NRXN2: variants seen among roughly 807,000 people sequenced by gnomAD.
NRXN2 encodes the protein neurexin-2-beta.
In NRXN2, 29 loss-of-function variants were observed where a neutral mutation model predicts 128.8. The ratio of observed to expected loss-of-function variants is 0.23; its 90% confidence interval spans 0.17 to 0.31. The LOEUF is 0.31. Ranked by LOEUF, NRXN2 falls within the 10% of genes least tolerant of loss-of-function variation. The pLI is 1.00. For synonymous variants in NRXN2, 1,098 were observed against 1,075.2 expected (o/e 1.02, Z -0.41); for missense variants, 1,881 against 2,452.6 (o/e 0.77, Z 4.92).
intron 2 of NRXN2, among the ~76,000 whole-genome samples, chr11:64,711,204 C>T (rs937710735): frequency 6.6e-6 from 1 of 152,234 alleles, no homozygotes; most frequent in African/African-American, 2.4e-5. Context: ...AGTGCCGGGC[C>T]ACATTCATGT....
chr11:64,688,862 C>A, intron 5 of NRXN2: 2 of 957,864 alleles, frequency 2.1e-6, no homozygotes, highest in Non-Finnish European at 2.5e-6. Flanking sequence ...GTCTCCAGCG[C>A]CCCCCTCCGC....
At chr11:64,721,856 C>T (rs920791664) in intron 1 of NRXN2, among the ~76,000 whole-genome samples, 3 of 152,058 alleles carry the variant, frequency 2.0e-5, no homozygotes, top group Admixed American at 2.0e-4. Context: ...GGACCCAAGA[C>T]CCACCCCCTA....
intron 2 of NRXN2, among the ~76,000 whole-genome samples, chr11:64,709,945 T>C (rs1376006671): frequency 4.0e-5 from 6 of 150,426 alleles, no homozygotes; most frequent in Admixed American, 2.0e-4. Context: ...TCTCACTTTG[T>C]CACCCAGGCT....
rs576667492 is a variant in NRXN2 at position 64,703,601 on chromosome 11, T to C, written c.731-5809A>G. On this transcript the variant is annotated intron_variant, in intron 2 of 22. Coordinates refer to ENST00000265459, the MANE Select transcript of NRXN2 (RefSeq NM_015080.4). The stretch of plus-strand genomic sequence containing the variant: ...ACCATAAAACACAACCAACTTTGTC[T>C]CTTCATCATGTCCTGACCCACTCAA... 3.3e-5 allele frequency among the ~76,000 whole-genome samples: 5 copies of C among 152,320 alleles called. No homozygotes were observed. The South Asian group carries it at 1.0e-3, about 32-fold the overall frequency.
chr11:64,644,434 C>T (rs970004602), intron 17 of NRXN2, among the ~76,000 whole-genome samples: 5 of 152,134 alleles, frequency 3.3e-5, no homozygotes, highest in African/African-American at 1.2e-4. Flanking sequence ...CTAGAGGACA[C>T]CTGCCCACTG....
intron 9 of NRXN2, among the ~76,000 whole-genome samples, chr11:64,664,495 A>T (rs1049231599): frequency 1.3e-5 from 2 of 151,284 alleles, no homozygotes; most frequent in African/African-American, 2.4e-5. Context: ...AAAAAAAAAA[A>T]GGTTACTATG....
chr11:64,678,499 G>A (rs1192436842), intron 6 of NRXN2, among the ~76,000 whole-genome samples: 5 of 151,952 alleles, frequency 3.3e-5, no homozygotes, highest in Non-Finnish European at 7.4e-5. Flanking sequence ...CCCACAGCCA[G>A]CACCAGAAAT....
rs1311554779 is a variant in NRXN2, at chr11:64,631,605, T to C, written c.3586-1032A>G. Among the ~76,000 whole-genome samples, 2 of 152,132 alleles carry C rather than the reference T, an allele frequency of 1.3e-5. No homozygotes were observed. The highest frequency in any genetic ancestry group is 1.9e-4 in the East Asian group (1 of 5,192). On this transcript the variant is annotated intron_variant, in intron 18 of 22. Transcript: ENST00000265459. The surrounding 1 kb of genome is among the most constrained non-coding windows in gnomAD (Gnocchi z 4.8). ...TCAAGAAAGAGACTGAGGCTCAGCA[T>C]AGTTAAATAACATCTCAAAATCTTG...
At chr11:64,647,322 G>T (rs2135439894) in intron 17 of NRXN2, among the ~76,000 whole-genome samples, 1 of 151,962 alleles carries the variant, frequency 6.6e-6, no homozygotes, top group South Asian at 2.1e-4. Context: ...CAGGGAAGAT[G>T]ATTCAAGCAA....
intron 9 of NRXN2, chr11:64,661,359 C>A: frequency 1.4e-6 from 2 of 1,441,250 alleles, no homozygotes; most frequent in Non-Finnish European, 1.8e-6. Flanking sequence ...TGTGACGCAG[C>A]CCCAGCCCAG....
Position 64,685,777 on chromosome 11 carries a change from G to A in NRXN2, c.1021C>T (p.Leu341Phe), listed in dbSNP as rs2052952728. Reference sequence around the variant, plus strand: ...ACCAGCCAGACAGCCCCAGACTTGAGGGACAGGTTGACGTAGTCGGCCGAC... The same window carrying A: ...ACCAGCCAGACAGCCCCAGACTTGAAGGACAGGTTGACGTAGTCGGCCGAC... ...GKSADYVNLS[L>F]KSGAVWLVIN... Residue 341 changes from leucine (L) to phenylalanine (F), a missense_variant, in exon 6 of 23, where the codon CTC (leucine) becomes TTC (phenylalanine). Around this residue, in one of 7 missense-constraint regions of NRXN2, gnomAD observed 997 missense variants for 1,240.8 expected, o/e 0.80. Coordinates refer to ENST00000265459, the MANE Select transcript of NRXN2 (RefSeq NM_015080.4). The A allele has an allele frequency of 1.2e-6, 2 of 1,614,122 alleles. No homozygotes were observed. Among genetic ancestry groups the A allele is most frequent in the African/African-American group, 1.3e-5 (1 of 74,938 alleles).
At position 64,623,316 on chromosome 11, in the gene NRXN2, C is replaced by T. The variant is rs907947939; in HGVS notation, c.3848-238G>A. The stretch of plus-strand genomic sequence containing the variant: ...CCAGAAGGGGAGGGCACCCAGGGTA[C>T]ACATGGGCTGGGGAAGGGGAGCCCA... On this transcript the variant is annotated intron_variant, in intron 20 of 22. Coordinates refer to ENST00000265459, the MANE Select transcript of NRXN2 (RefSeq NM_015080.4). This position sits in a 1 kb window ranked among gnomAD's most constrained non-coding sequence, Gnocchi z 4.9. 1.6e-6 allele frequency: 1 copy of T among 637,978 alleles called. No homozygotes were observed. The highest frequency in any genetic ancestry group is 2.0e-5 in the South Asian group (1 of 49,102). The allele number at this position is 637,978 out of a possible 1,614,324, so 39.5% of individuals were successfully genotyped here. A position where few individuals can be genotyped will look rare whatever the true frequency, so the allele number is the denominator to read the frequency against.
At chr11:64,639,022 C>T (rs1000809409) in intron 17 of NRXN2, among the ~76,000 whole-genome samples, 4 of 152,190 alleles carry the variant, frequency 2.6e-5, no homozygotes, top group Admixed American at 2.0e-4. Flanking sequence ...AGAAAACCAC[C>T]CATGCAGTGA....
At chr11:64,680,899 C>T (rs181384026) in intron 6 of NRXN2, among the ~76,000 whole-genome samples, 268 of 152,058 alleles carry the variant, frequency 1.8e-3, no homozygotes, top group African/African-American at 5.8e-3. Context: ...CAGTTCAAGA[C>T]CAGCCTGGCC....
At position 64,714,598 on chromosome 11, in the gene NRXN2, C is replaced by T. The variant is rs2057232986; in HGVS notation, c.-244-655G>A. 6.6e-6 allele frequency among the ~76,000 whole-genome samples: 1 copy of T among 152,078 alleles called. No individual in the cohort carries two copies. Among genetic ancestry groups the T allele is most frequent in the African/African-American group, 2.4e-5 (1 of 41,384 alleles). Reference sequence around the variant, plus strand: ...AGTTCCCCCGAAACCACGCTCACCCCTTCCCAGGCCCCAGCCTCACTGCTT... The same window carrying T: ...AGTTCCCCCGAAACCACGCTCACCCTTTCCCAGGCCCCAGCCTCACTGCTT... On this transcript the variant is annotated intron_variant, in intron 1 of 22. Coordinates refer to ENST00000265459, the MANE Select transcript of NRXN2 (RefSeq NM_015080.4). The surrounding 1 kb of genome is among the most constrained non-coding windows in gnomAD (Gnocchi z 4.5).
intron 6 of NRXN2, among the ~76,000 whole-genome samples, chr11:64,684,404 C>A (rs1408207578): frequency 6.6e-6 from 1 of 152,152 alleles, no homozygotes; most frequent in African/African-American, 2.4e-5. Context: ...AGGAGTGACT[C>A]CACCAAGCAC....
Position 64,607,791 on chromosome 11 carries a change from G to C in NRXN2, c.4544C>G (p.Thr1515Ser). The C allele has an allele frequency of 6.3e-7, 1 of 1,599,960 alleles. No individual in the cohort carries two copies. Among genetic ancestry groups the C allele is most frequent in the Non-Finnish European group, 8.5e-7 (1 of 1,173,802 alleles). Residue 1515 changes from threonine (T) to serine (S), a missense_variant, in exon 23 of 23, where the codon ACC becomes AGC. Coordinates refer to ENST00000265459, the MANE Select transcript of NRXN2 (RefSeq NM_015080.4). Reference protein sequence around the residue: ...LPPTDDEDFYTTFPLVTDRTT... With the variant: ...LPPTDDEDFYSTFPLVTDRTT... ...GCGGTCCGTGACCAGGGGAAAGGTG[G>C]TGTAAAAGTCCTCGTCGTCCGTGGG...
intron 7 of NRXN2, among the ~76,000 whole-genome samples, chr11:64,669,250 C>T (rs1263272816): frequency 6.6e-6 from 1 of 152,154 alleles, no homozygotes; most frequent in Non-Finnish European, 1.5e-5. Flanking sequence ...CCCCTGCAGC[C>T]CAATCTCCAG....
intron 17 of NRXN2, among the ~76,000 whole-genome samples, chr11:64,644,284 A>G (rs2046307209): frequency 6.6e-6 from 1 of 151,976 alleles, no homozygotes. Flanking sequence ...AAGACATGCC[A>G]CACACGTACA....
Sources: gnomAD v4.1 joint callset for allele counts (sites outside exome capture counted in the v4.1 genomes callset) on GRCh38, gnomAD v4.1.1 for gene constraint, gnomAD v4.1.1 regional missense constraint, Gnocchi (gnomAD v3.1) non-coding constraint, MANE v1.5 for transcripts, NCBI Gene and HGNC (gene_info 2026-07-23, HGNC 2026-07-21) for gene names.